MAP2K6: variants seen among roughly 807,000 people sequenced by gnomAD.
The protein encoded by MAP2K6 is dual specificity mitogen-activated protein kinase kinase 6.
In MAP2K6, 16 loss-of-function variants were observed where a neutral mutation model predicts 53.7. The observed-to-expected ratio is 0.30, with a 90% CI of 0.20 to 0.45. The LOEUF (loss-of-function observed/expected upper bound fraction) is 0.45, where lower values mean the gene tolerates loss of function less well. MAP2K6 is among the 20% of genes least tolerant of loss of function. MAP2K6 has a pLI of 1.00. For synonymous variants in MAP2K6, 132 were observed against 143.1 expected, an observed-to-expected ratio of 0.92 and a Z score of 0.55; for missense variants, 204 against 411.9, an observed-to-expected ratio of 0.50 and a Z score of 4.37.
rs1229384022 is a variant in MAP2K6, at chr17:69,545,410, A to G, written c.*3657A>G. The G allele has an allele frequency of 1.3e-5, 2 of 152,230 alleles. No individual in the cohort carries two copies. The highest frequency in any genetic ancestry group is 1.3e-4 in the Admixed American group (2 of 15,284). The allele number at this position is 152,230 out of a possible 1,614,324, so 9.4% of individuals were successfully genotyped here. A position where few individuals can be genotyped will look rare whatever the true frequency, so the allele number is the denominator to read the frequency against. On this transcript the variant is annotated 3_prime_UTR_variant, in exon 12 of 12. Coordinates refer to ENST00000590474, the MANE Select transcript of MAP2K6 (RefSeq NM_002758.4). ...TGTTTGGTCACACTGATTTAATCAG[A>G]ACAAATGGGTTAAATAAGCAGCTTT...
chr17:69,434,395 T>C (rs185473024), intron 1 of MAP2K6: 1 of 152,390 alleles, frequency 6.6e-6, no homozygotes, highest in East Asian at 1.9e-4. Context: ...GGGAGCTTGC[T>C]GGCTCTCCCC....
Position 69,446,032 on chromosome 17 carries a change from G to C in MAP2K6, c.16+31032G>C, listed in dbSNP as rs149094717. 5.3e-5 allele frequency among the ~76,000 whole-genome samples: 8 copies of C among 152,294 alleles called. No individual in the cohort carries two copies. The East Asian group carries it at 1.5e-3, about 29-fold the overall frequency. ...ATCAAATGGGTACACATACACCTAA[G>C]GAGTTAAGGGTTTTAAGCAAGAAAA... On this transcript the variant is annotated intron_variant, in intron 1 of 11. Transcript: ENST00000590474.
At position 69,517,527 on chromosome 17, in the gene MAP2K6, G is replaced by C; in HGVS notation, c.160G>C (p.Glu54Gln). 6.2e-7 allele frequency: 1 copy of C among 1,609,716 alleles called. No individual in the cohort carries two copies. The highest frequency in any genetic ancestry group is 8.5e-7 in the Non-Finnish European group (1 of 1,177,630). Residue 54 changes from glutamate to glutamine, a missense_variant, in exon 4 of 12, where the codon GAG becomes CAG. By Grantham distance (29) the Glu-to-Gln change is conservative. This residue lies in a region of MAP2K6 where 129 missense variants were observed against 247.1 expected (regional missense o/e 0.52). Transcript: ENST00000590474. ...CTTTGAGGTGAAGGCAGATGACCTG[G>C]AGCCTATAATGGAACTGGGACGAGG... is the stretch of plus-strand genomic sequence containing the variant. ...QNFEVKADDL[E>Q]PIMELGRGAY...
At chr17:69,471,718 A>G (rs1206940984) in intron 1 of MAP2K6, among the ~76,000 whole-genome samples, 10 of 152,228 alleles carry the variant, frequency 6.6e-5, no homozygotes, top group African/African-American at 9.6e-5. Context: ...AATAGCAAAT[A>G]AAAAATTCCA....
rs10512573 is a variant in MAP2K6 at position 69,548,838 on chromosome 17, G to C, written c.*7085G>C. 6.6e-6 allele frequency: 1 copy of C among 151,962 alleles called. No homozygotes were observed. The highest frequency in any genetic ancestry group is 1.5e-5 in the Non-Finnish European group (1 of 67,968). 9.4% of individuals were successfully genotyped at this position (151,962 alleles called of 1,614,324 possible). On this transcript the variant is annotated 3_prime_UTR_variant, in exon 12 of 12. Coordinates refer to ENST00000590474, the MANE Select transcript of MAP2K6 (RefSeq NM_002758.4). Reference sequence around the variant, plus strand: ...TCTAATGAAGTAGTTTGAAATCAAGGCTTTAGTGGAAGGTAATCTTTTCAG... The same window carrying C: ...TCTAATGAAGTAGTTTGAAATCAAGCCTTTAGTGGAAGGTAATCTTTTCAG...
Position 69,501,918 on chromosome 17 carries a change from GT to G in MAP2K6, c.17-3843del, listed in dbSNP as rs11406039. Among the ~76,000 whole-genome samples, 1,276 of 129,030 alleles carry G rather than the reference GT, an allele frequency of 9.9e-3. 3 individuals are homozygous for G. The highest frequency in any genetic ancestry group is 0.019 in the South Asian group (75 of 3,996). 84.6% of individuals were successfully genotyped at this position (129,030 alleles called of 152,430 possible). On this transcript the variant is annotated intron_variant, in intron 1 of 11. Coordinates refer to ENST00000590474, the MANE Select transcript of MAP2K6 (RefSeq NM_002758.4). ...TATTATTCATAGTGCTCCCTCCCAT[GT>G]TTTTTTTTTTTTTTTTTTAACAGTG...
chr17:69,530,688 GAACATTATTTTTC>G (rs1242490780), intron 10 of MAP2K6, among the ~76,000 whole-genome samples: 1 of 152,106 alleles, frequency 6.6e-6, no homozygotes, highest in Non-Finnish European at 1.5e-5. Flanking sequence ...CCTTAAGTAT[GAACATTATTTTTC>G]AACTGGGTTG....
Position 69,442,484 on chromosome 17 carries a change from C to T in MAP2K6, c.16+27484C>T, listed in dbSNP as rs552190591. ...AATGCAGTTGTTTTGCTTTCTTTATCCCAATTTTGTTTCCTTCTCAATTTC... is the reference window on the plus strand; with the variant it reads ...AATGCAGTTGTTTTGCTTTCTTTATTCCAATTTTGTTTCCTTCTCAATTTC... On this transcript the variant is annotated intron_variant, in intron 1 of 11. Coordinates refer to ENST00000590474, the MANE Select transcript of MAP2K6 (RefSeq NM_002758.4). 4.6e-5 allele frequency among the ~76,000 whole-genome samples: 7 copies of T among 152,314 alleles called. No individual in the cohort carries two copies. The South Asian group carries it at 1.2e-3, about 27-fold the overall frequency.
At chr17:69,524,823 C>G (rs1910678805) in intron 8 of MAP2K6, 78 bp from the exon 9 acceptor site, 3 of 1,076,220 alleles carry the variant, frequency 2.8e-6, no homozygotes, top group African/African-American at 1.5e-5. Context: ...GGTGCTACCC[C>G]CATCCCCAGA....
chr17:69,516,011 G>A lies in MAP2K6; in HGVS notation c.84-844G>A, dbSNP rs140754409. Among the ~76,000 whole-genome samples the A allele has an allele frequency of 1.1e-4, 17 of 152,176 alleles. No individual in the cohort carries two copies. In the East Asian group the frequency reaches 2.7e-3, roughly 24 times the overall value. On this transcript the variant is annotated intron_variant, in intron 2 of 11. Transcript: ENST00000590474. ...CTGTAGCACAATGACCTATATCAGC[G>A]GTCCCCAACCTTTTTGGCACCAGGG... is the stretch of plus-strand genomic sequence containing the variant.
chr17:69,469,150 G>C (rs1419479665), intron 1 of MAP2K6, among the ~76,000 whole-genome samples: 1 of 152,180 alleles, frequency 6.6e-6, no homozygotes, highest in Non-Finnish European at 1.5e-5. Flanking sequence ...ACTGTCGCTA[G>C]GTTCTAGGGG....
At chr17:69,515,944 T>A (rs572223824) in intron 2 of MAP2K6, among the ~76,000 whole-genome samples, 1 of 152,192 alleles carries the variant, frequency 6.6e-6, no homozygotes, top group African/African-American at 2.4e-5. Context: ...TAATTACATA[T>A]ATTGGTGCTC....
At chr17:69,491,966 G>A (rs551218204) in intron 1 of MAP2K6, among the ~76,000 whole-genome samples, 4 of 152,148 alleles carry the variant, frequency 2.6e-5, no homozygotes, top group Admixed American at 2.6e-4. Flanking sequence ...TTTGAAAAGT[G>A]TCTGTTTGTG....
intron 1 of MAP2K6, among the ~76,000 whole-genome samples, chr17:69,487,672 C>G (rs967133660): frequency 6.6e-6 from 1 of 152,150 alleles, no homozygotes; most frequent in South Asian, 2.1e-4. Flanking sequence ...TTGGTCCTTT[C>G]CCACTAGGTC....
intron 2 of MAP2K6, among the ~76,000 whole-genome samples, chr17:69,508,962 T>C (rs1909669939): frequency 6.6e-6 from 1 of 152,264 alleles, no homozygotes; most frequent in Non-Finnish European, 1.5e-5. Context: ...TCTGTTCCAC[T>C]GATTTATTTG....
intron 1 of MAP2K6, among the ~76,000 whole-genome samples, chr17:69,423,515 C>G (rs1290448617): frequency 1.3e-5 from 2 of 152,306 alleles, no homozygotes; most frequent in Admixed American, 6.5e-5. Context: ...ATACTGGGGT[C>G]TCTTCATGAC....
chr17:69,461,297 A>G (rs1907615900), intron 1 of MAP2K6, among the ~76,000 whole-genome samples: 1 of 152,170 alleles, frequency 6.6e-6, no homozygotes, highest in South Asian at 2.1e-4. Flanking sequence ...ACTGCTCTGT[A>G]TGTGACATGG....
intron 1 of MAP2K6, among the ~76,000 whole-genome samples, chr17:69,429,283 GAAA>G (rs35219021): frequency 1.1e-4 from 15 of 135,884 alleles, no homozygotes; most frequent in African/African-American, 3.5e-4. Flanking sequence ...TACAAAAAGT[GAAA>G]AAAAAAAAAA....
intron 1 of MAP2K6, among the ~76,000 whole-genome samples, chr17:69,497,626 G>A (rs936844682): frequency 1.3e-5 from 2 of 151,646 alleles, no homozygotes; most frequent in African/African-American, 2.4e-5. Context: ...ATTTGTTACA[G>A]TATTTTGATC....
Sources: allele counts gnomAD v4.1 joint callset (sites outside exome capture counted in the v4.1 genomes callset), GRCh38; gene constraint gnomAD v4.1.1; regional missense constraint gnomAD v4.1.1; transcripts MANE v1.5; gene names NCBI Gene and HGNC (gene_info 2026-07-23, HGNC 2026-07-21).